Variants in SORCS2 observed in about 807,000 individuals in gnomAD.
SORCS2 encodes sortilin related VPS10 domain containing receptor 2.
Under a neutral mutation model 141.6 loss-of-function variants are expected in SORCS2, and 100 were observed. The observed-to-expected ratio is 0.71, with a 90% CI of 0.60 to 0.83. The LOEUF (loss-of-function observed/expected upper bound fraction) is 0.83. Among genes scored for constraint, SORCS2 ranks in the 40% least tolerant of loss-of-function variants. The pLI is 0.00. For synonymous variants in SORCS2, 789 were observed against 676.9 expected (o/e 1.17, Z -2.57); for missense variants, 1,646 against 1,560.2 (o/e 1.05, Z -0.93).
intron 2 of SORCS2, among the ~76,000 whole-genome samples, chr4:7,400,279 A>G (rs1028067785): frequency 2.0e-5 from 3 of 152,068 alleles, no homozygotes; most frequent in Non-Finnish European, 2.9e-5. Flanking sequence ...TGTGCATGCT[A>G]CGGCTGCTGC....
chr4:7,571,474 G>T (rs766532599), intron 3 of SORCS2, among the ~76,000 whole-genome samples: 1 of 152,152 alleles, frequency 6.6e-6, no homozygotes, highest in African/African-American at 2.4e-5. Context: ...GCCATGCCCC[G>T]TGTGGGTGGG....
intron 9 of SORCS2, among the ~76,000 whole-genome samples, chr4:7,678,299 G>A (rs1723295824): frequency 6.6e-6 from 1 of 150,880 alleles, no homozygotes; most frequent in South Asian, 2.1e-4. Flanking sequence ...GAAGCAAGGA[G>A]CCAGAAGAAG....
At chr4:7,734,163 T>TGGGCGGGGGACAGGCTGGGGAC in intron 24 of SORCS2, 109 bp from the exon 25 acceptor site, 1 of 410,792 alleles carries the variant, frequency 2.4e-6, no homozygotes, top group South Asian at 4.9e-5. Context: ...AAGCTGGGGA[T>TGGGCGGGGGACAGGCTGGGGAC]GGGCGGGGGA....
At chr4:7,206,495 T>A (rs1205394492) in intron 1 of SORCS2, among the ~76,000 whole-genome samples, 2 of 152,014 alleles carry the variant, frequency 1.3e-5, no homozygotes, top group Non-Finnish European at 2.9e-5. Context: ...GCTCCACGAG[T>A]AACCTGGGAA....
At chr4:7,222,414 A>G (rs990602026) in intron 1 of SORCS2, among the ~76,000 whole-genome samples, 1 of 152,240 alleles carries the variant, frequency 6.6e-6, no homozygotes, top group African/African-American at 2.4e-5. Flanking sequence ...CTGCATGTCT[A>G]TGGAATGTCT....
chr4:7,217,973 T>G (rs1434367219), intron 1 of SORCS2, among the ~76,000 whole-genome samples: 1 of 152,132 alleles, frequency 6.6e-6, no homozygotes, highest in East Asian at 1.9e-4. Context: ...ACTGTGCAGC[T>G]GGGTGATGCT....
intron 1 of SORCS2, among the ~76,000 whole-genome samples, chr4:7,256,437 G>A (rs1198317402): frequency 1.3e-5 from 2 of 152,148 alleles, no homozygotes; most frequent in African/African-American, 2.4e-5. Context: ...ACCTCTGGCC[G>A]AGACTTGGCT....
chr4:7,705,808 C>T (rs987157487), intron 14 of SORCS2, among the ~76,000 whole-genome samples: 6 of 152,386 alleles, frequency 3.9e-5, no homozygotes, highest in Admixed American at 1.3e-4. Context: ...CAGAGGGGCC[C>T]ACGTGGATAA....
chr4:7,246,417 ACATCTCACT>A (rs1713092882), intron 1 of SORCS2, among the ~76,000 whole-genome samples: 1 of 151,812 alleles, frequency 6.6e-6, no homozygotes, highest in Non-Finnish European at 1.5e-5. Flanking sequence ...ATGAACCCAC[ACATCTCACT>A]CGGGGCTTAA....
chr4:7,549,302 G>A (rs939172625), intron 3 of SORCS2, among the ~76,000 whole-genome samples: 7 of 151,970 alleles, frequency 4.6e-5, no homozygotes, highest in Non-Finnish European at 7.4e-5. Flanking sequence ...CAAGTCTATC[G>A]ATTTGAAGCT....
At chr4:7,197,405 A>T (rs12641357) in intron 1 of SORCS2, among the ~76,000 whole-genome samples, 31,105 of 152,050 alleles carry the variant, frequency 0.2, 3,279 homozygotes, top group South Asian at 0.3. Context: ...CTGAGTTTAG[A>T]AGTGGATCTT....
intron 3 of SORCS2, among the ~76,000 whole-genome samples, chr4:7,596,656 GA>G (rs1717294766): frequency 1.3e-5 from 2 of 152,246 alleles, no homozygotes; most frequent in South Asian, 2.1e-4. Flanking sequence ...CGTTCCTTTG[GA>G]AATCGGTCAA....
intron 4 of SORCS2, among the ~76,000 whole-genome samples, chr4:7,645,710 C>A (rs80010786): frequency 0.024 from 3,704 of 152,224 alleles, 163 homozygotes; most frequent in African/African-American, 0.084. Context: ...AAGCTCCTTG[C>A]CCTCATGAAG....
intron 1 of SORCS2, among the ~76,000 whole-genome samples, chr4:7,373,458 T>TTTATATATATATA (rs1553850462): frequency 2.4e-5 from 2 of 82,832 alleles, no homozygotes; most frequent in African/African-American, 1.4e-4. Context: ...TGAGAAACTT[T>TTTATATATATATA]TATATATATA....
intron 3 of SORCS2, among the ~76,000 whole-genome samples, chr4:7,563,604 GGA>G (rs1714755780): frequency 6.6e-6 from 1 of 152,112 alleles, no homozygotes; most frequent in African/African-American, 2.4e-5. Context: ...TCCCTTTCTG[GGA>G]GCACGTTCCT....
intron 1 of SORCS2, among the ~76,000 whole-genome samples, chr4:7,332,395 G>A (rs1380559127): frequency 6.6e-6 from 1 of 152,224 alleles, no homozygotes; most frequent in Admixed American, 6.5e-5. Flanking sequence ...GTGTTCTCCA[G>A]ATAGGAATGT....
chr4:7,346,344 T>C (rs1720652745), intron 1 of SORCS2, among the ~76,000 whole-genome samples: 3 of 152,242 alleles, frequency 2.0e-5, no homozygotes, highest in Admixed American at 1.3e-4. Context: ...TTTGAGATTT[T>C]CCCAAATTTC....
rs983732635 is a variant in SORCS2 at position 7,201,444 on chromosome 4, G to A, written c.480+8318G>A. ...AGGTCATAAATTAGCCTCATTCCTC[G>A]GCACGCCCCTCAGATGAGAAGGCAG... On this transcript the variant is annotated intron_variant, in intron 1 of 26. Transcript: ENST00000507866. This position sits in a 1 kb window ranked among gnomAD's most constrained non-coding sequence, Gnocchi z 4.4. Among the ~76,000 whole-genome samples, 73 of 152,192 alleles carry A rather than the reference G, an allele frequency of 4.8e-4. 2 individuals are homozygous for A. The highest frequency in any genetic ancestry group is 8.7e-4 in the African/African-American group (36 of 41,444).
chr4:7,717,617 G>A (rs1726281300), intron 17 of SORCS2, among the ~76,000 whole-genome samples: 1 of 152,180 alleles, frequency 6.6e-6, no homozygotes, highest in African/African-American at 2.4e-5. Flanking sequence ...GTGGAGGCAG[G>A]ACCCCAGGCC....
Sources: gnomAD v4.1 joint callset for allele counts (sites outside exome capture counted in the v4.1 genomes callset) on GRCh38, gnomAD v4.1.1 for gene constraint, Gnocchi (gnomAD v3.1) non-coding constraint, MANE v1.5 for transcripts, NCBI Gene and HGNC (gene_info 2026-07-23, HGNC 2026-07-21) for gene names.